TBXAS1: variants seen among roughly 807,000 people sequenced by gnomAD.
TBXAS1 encodes thromboxane-A synthase.
A neutral mutation model predicts 60.7 loss-of-function variants in TBXAS1; 48 were observed. That is an observed-to-expected ratio of 0.79 (90% CI 0.63 to 1.01). TBXAS1 has a LOEUF of 1.01. Among genes scored for constraint, TBXAS1 ranks in the 50% least tolerant of loss-of-function variants. The pLI is 0.00. For missense variants in TBXAS1, 685 were observed against 686.3 expected (o/e 1.00, Z 0.02); for synonymous variants, 287 against 269.7 (o/e 1.06, Z -0.63).
chr7:139,917,692 G>GT (rs1341019377), intron 4 of TBXAS1, among the ~76,000 whole-genome samples: 1 of 152,232 alleles, frequency 6.6e-6, no homozygotes, highest in Non-Finnish European at 1.5e-5. Flanking sequence ...CAGGAATAGT[G>GT]TTAAGTGGTG....
rs539603136 is a variant in TBXAS1 at position 139,992,075 on chromosome 7, C to G, written c.1135-15016C>G. ...CCAAGGGAGGCAAGCCCTCCCTGTC[C>G]GCTCTAGCAATATGGCACAAGGGGG... On this transcript the variant is annotated intron_variant, in intron 9 of 12. Transcript: ENST00000448866. Among the ~76,000 whole-genome samples, 640 of 152,326 alleles carry G rather than the reference C, an allele frequency of 4.2e-3. 6 individuals are homozygous for G. Among genetic ancestry groups the G allele is most frequent in the African/African-American group, 0.015 (610 of 41,578 alleles).
At chr7:139,862,096 A>G (rs941661421) in intron 1 of TBXAS1, among the ~76,000 whole-genome samples, 3 of 152,358 alleles carry the variant, frequency 2.0e-5, no homozygotes, top group Middle Eastern at 3.4e-3. Flanking sequence ...TAGTGGGTAA[A>G]TTAAAATCAG....
At chr7:139,928,181 A>C (rs985220010) in intron 4 of TBXAS1, among the ~76,000 whole-genome samples, 2 of 152,210 alleles carry the variant, frequency 1.3e-5, no homozygotes, top group Non-Finnish European at 2.9e-5. Context: ...TAGTTCACTG[A>C]AAGTTGTTAT....
chr7:139,986,711 T>G (rs1031051738), intron 9 of TBXAS1, among the ~76,000 whole-genome samples: 4 of 142,706 alleles, frequency 2.8e-5, no homozygotes, highest in Non-Finnish European at 4.5e-5. Flanking sequence ...TATGGCTGAG[T>G]AGTATTCCAT....
In TBXAS1 at chr7:139,906,290, A is replaced by C. The variant is rs1425686406; in HGVS notation, c.237-4935A>C. 4 of 156,208 alleles carry C rather than the reference A, an allele frequency of 2.6e-5. No homozygotes were observed. The Admixed American group carries it at 2.6e-4, about 10-fold the overall frequency. 9.7% of individuals were successfully genotyped at this position (156,208 alleles called of 1,614,324 possible). A position where few individuals can be genotyped will look rare whatever the true frequency, so the allele number is the denominator to read the frequency against. On this transcript the variant is annotated intron_variant, in intron 3 of 12. Transcript: ENST00000448866. ...AGGATGGTCTCAAACTCCTGATCTCAAGTTATCCACCTGCCTCGGCCTCCC... is the reference window on the plus strand; with the variant it reads ...AGGATGGTCTCAAACTCCTGATCTCCAGTTATCCACCTGCCTCGGCCTCCC...
At chr7:140,008,211 T>G (rs1814245384) in intron 10 of TBXAS1, among the ~76,000 whole-genome samples, 1 of 152,234 alleles carries the variant, frequency 6.6e-6, no homozygotes, top group African/African-American at 2.4e-5. Flanking sequence ...AGAATGCAAT[T>G]GTAGACATTG....
At chr7:139,880,920 C>T (rs1802644229) in intron 3 of TBXAS1, among the ~76,000 whole-genome samples, 1 of 152,104 alleles carries the variant, frequency 6.6e-6, no homozygotes, top group South Asian at 2.1e-4. Context: ...TTTAGATTCC[C>T]ATAAATATGC....
intron 9 of TBXAS1, among the ~76,000 whole-genome samples, chr7:140,000,870 T>A (rs937378664): frequency 3.3e-5 from 5 of 152,230 alleles, no homozygotes; most frequent in African/African-American, 1.2e-4. Context: ...TTCCCGCCAC[T>A]GAATGTGTTC....
intron 9 of TBXAS1, among the ~76,000 whole-genome samples, chr7:139,964,320 G>A (rs1322136415): frequency 6.6e-6 from 1 of 152,200 alleles, no homozygotes; most frequent in Non-Finnish European, 1.5e-5. Flanking sequence ...CCCAACCTCA[G>A]GTGATCCGCC....
At chr7:139,830,846 A>G (rs1798655091) in intron 1 of TBXAS1, among the ~76,000 whole-genome samples, 1 of 152,068 alleles carries the variant, frequency 6.6e-6, no homozygotes, top group Admixed American at 6.5e-5. Flanking sequence ...ATCAATAGCT[A>G]TGCTCTGACT....
chr7:139,850,503 A>G (rs918402435), intron 1 of TBXAS1, among the ~76,000 whole-genome samples: 3 of 152,176 alleles, frequency 2.0e-5, no homozygotes, highest in Admixed American at 6.5e-5. Flanking sequence ...CACATGGGGT[A>G]TTATTTGGGC....
intron 9 of TBXAS1, among the ~76,000 whole-genome samples, chr7:139,982,116 A>G (rs2117516527): frequency 6.6e-6 from 1 of 152,334 alleles, no homozygotes; most frequent in South Asian, 2.1e-4. Context: ...GTTAAATTTG[A>G]ATCTCAGATA....
chr7:139,963,571 A>G (rs766917502), intron 9 of TBXAS1, among the ~76,000 whole-genome samples: 8 of 152,154 alleles, frequency 5.3e-5, no homozygotes, highest in Non-Finnish European at 1.2e-4. Context: ...TTTTATATGT[A>G]GTGGTTTGTG....
intron 5 of TBXAS1, among the ~76,000 whole-genome samples, chr7:139,942,721 A>G (rs1218757100): frequency 6.6e-6 from 1 of 152,226 alleles, no homozygotes; most frequent in Non-Finnish European, 1.5e-5. Flanking sequence ...ATAGGGACTC[A>G]GTTAAAGAAA....
chr7:139,814,940 C>G (rs1400751953), intron 4 of TBXAS1, among the ~76,000 whole-genome samples: 2 of 152,166 alleles, frequency 1.3e-5, no homozygotes, highest in Non-Finnish European at 2.9e-5. Flanking sequence ...TCATCCTCCC[C>G]TAGCACCTGT....
At chr7:139,843,534 G>A (rs978348170) in intron 1 of TBXAS1, among the ~76,000 whole-genome samples, 3 of 152,072 alleles carry the variant, frequency 2.0e-5, no homozygotes, top group Non-Finnish European at 4.4e-5. Context: ...GTAGAGGTGG[G>A]GTTTCATCAT....
At chr7:140,005,046 G>C (rs543558164) in intron 9 of TBXAS1, among the ~76,000 whole-genome samples, 5 of 152,360 alleles carry the variant, frequency 3.3e-5, no homozygotes, top group African/African-American at 1.2e-4. Flanking sequence ...GGGAAGCCAG[G>C]TGGAGAGCAC....
chr7:139,953,382 C>G lies in TBXAS1; in HGVS notation c.465C>G (p.Ile155Met), dbSNP rs781271750. The change falls in exon 6 of 13, where the codon ATC becomes ATG. Residue 155 changes from isoleucine (I) to methionine (M), a missense_variant. Transcript: ENST00000448866. ...PEKLNEMVPLISQACDLLLAH... is the reference protein window; with the variant it reads ...PEKLNEMVPLMSQACDLLLAH... ...TCCATTATCAGATGGTTCCCCTCAT[C>G]AGCCAAGCCTGCGACCTTCTCCTGG... 6.2e-7 allele frequency: 1 copy of G among 1,614,130 alleles called. No homozygotes were observed. The highest frequency in any genetic ancestry group is 1.7e-5 in the Admixed American group (1 of 60,026).
chr7:139,805,257 T>C (rs1797819589), intron 4 of TBXAS1, among the ~76,000 whole-genome samples: 1 of 152,254 alleles, frequency 6.6e-6, no homozygotes, highest in Non-Finnish European at 1.5e-5. Flanking sequence ...TCATTCCCAC[T>C]ACATAGATGA....
Sources: allele counts gnomAD v4.1 joint callset (sites outside exome capture counted in the v4.1 genomes callset), GRCh38; gene constraint gnomAD v4.1.1; transcripts MANE v1.5; gene names NCBI Gene and HGNC (gene_info 2026-07-23, HGNC 2026-07-21).